Variants in CDH20 observed in about 807,000 individuals in gnomAD.
CDH20 encodes the protein cadherin-20.
A neutral mutation model predicts 74.2 loss-of-function variants in CDH20; 29 were observed. The observed-to-expected ratio is 0.39, with a 90% CI of 0.29 to 0.53. The LOEUF (loss-of-function observed/expected upper bound fraction) is 0.53. Among genes scored for constraint, CDH20 ranks in the 20% least tolerant of loss-of-function variants. The pLI is 0.69. For missense variants in CDH20, 988 were observed against 1,048.3 expected, an observed-to-expected ratio of 0.94 and a Z score of 0.79; for synonymous variants, 469 against 405.4, an observed-to-expected ratio of 1.16 and a Z score of -1.88.
intron 1 of CDH20, among the ~76,000 whole-genome samples, chr18:61,453,492 G>A (rs1170687104): frequency 1.3e-5 from 2 of 152,088 alleles, no homozygotes; most frequent in Non-Finnish European, 2.9e-5. Context: ...TGTTGACCAG[G>A]CTGGTCTCAA....
chr18:61,555,541 G>A lies in CDH20; in HGVS notation c.*846G>A. 7.1e-6 allele frequency: 7 copies of A among 985,406 alleles called. No homozygotes were observed. The highest frequency in any genetic ancestry group is 8.4e-6 in the Non-Finnish European group (7 of 829,908). 61.0% of individuals were successfully genotyped at this position (985,406 alleles called of 1,614,324 possible). A position where few individuals can be genotyped will look rare whatever the true frequency, so the allele number is the denominator to read the frequency against. On this transcript the variant is annotated 3_prime_UTR_variant, in exon 12 of 12. Coordinates refer to ENST00000262717, the MANE Select transcript of CDH20 (RefSeq NM_031891.4). ...CAAATGAAAGCCAAATAAAAAAGAAGTATCTGACAAAAGCATGGGTTAGAG... is the reference window on the plus strand; with the variant it reads ...CAAATGAAAGCCAAATAAAAAAGAAATATCTGACAAAAGCATGGGTTAGAG...
intron 1 of CDH20, among the ~76,000 whole-genome samples, chr18:61,363,488 A>T (rs1434468576): frequency 6.6e-6 from 1 of 152,248 alleles, no homozygotes; most frequent in African/African-American, 2.4e-5. Flanking sequence ...TAGATGAATA[A>T]GAGACGTCAA....
At chr18:61,531,048 CCAATTTCCT>C (rs571887522) in intron 7 of CDH20, among the ~76,000 whole-genome samples, 1,900 of 151,942 alleles carry the variant, frequency 0.013, 12 homozygotes, top group South Asian at 0.029. Context: ...CGAGTGTGTC[CCAATTTCCT>C]CGTTTTCCAT....
rs1910393973 is a variant in CDH20 at position 61,353,798 on chromosome 18, C to G, written c.-153+19971C>G. ...AAAAGTTAAAAAAAATCTTTCAGTTCCAGCCAGTCATGGTGGCTCATGCCT... is the reference window on the plus strand; with the variant it reads ...AAAAGTTAAAAAAAATCTTTCAGTTGCAGCCAGTCATGGTGGCTCATGCCT... On this transcript the variant is annotated intron_variant, in intron 1 of 11. Coordinates refer to ENST00000262717, the MANE Select transcript of CDH20 (RefSeq NM_031891.4). The surrounding 1 kb of genome is among the most constrained non-coding windows in gnomAD (Gnocchi z 4.6). Among the ~76,000 whole-genome samples, 1 of 152,074 alleles carries G rather than the reference C, an allele frequency of 6.6e-6. No individual in the cohort carries two copies.
At position 61,462,255 on chromosome 18, in the gene CDH20, A is replaced by G. The variant is rs1307440698; in HGVS notation, c.-152-28147A>G. 2.0e-5 allele frequency among the ~76,000 whole-genome samples: 3 copies of G among 152,278 alleles called. No homozygotes were observed. In the East Asian group the frequency reaches 5.8e-4, roughly 29 times the overall value. ...ATTAGCTTGCTTTAGTCATTTCACA[A>G]TGTATACATATATCAAAACATCACC... is the stretch of plus-strand genomic sequence containing the variant. On this transcript the variant is annotated intron_variant, in intron 1 of 11. Transcript: ENST00000262717.
chr18:61,409,216 C>T (rs984778552), intron 1 of CDH20, among the ~76,000 whole-genome samples: 1 of 152,188 alleles, frequency 6.6e-6, no homozygotes, highest in Non-Finnish European at 1.5e-5. Context: ...CCATAAACCA[C>T]GTAAGTCTTC....
intron 1 of CDH20, among the ~76,000 whole-genome samples, chr18:61,376,708 G>A (rs935157024): frequency 6.6e-6 from 1 of 152,158 alleles, no homozygotes; most frequent in African/African-American, 2.4e-5. Context: ...GTTTCTTTAT[G>A]AGTAAAATAA....
chr18:61,533,046 T>C, intron 7 of CDH20, among the ~76,000 whole-genome samples: 1 of 152,188 alleles, frequency 6.6e-6, no homozygotes, highest in East Asian at 1.9e-4. Flanking sequence ...CTTGGGAGAT[T>C]GAGGCAGGAA....
intron 7 of CDH20, among the ~76,000 whole-genome samples, chr18:61,532,516 C>T (rs960735211): frequency 7.2e-6 from 1 of 139,494 alleles, no homozygotes; most frequent in Non-Finnish European, 1.5e-5. Context: ...CAACTGTATA[C>T]ATGTGTGTAT....
intron 6 of CDH20, among the ~76,000 whole-genome samples, chr18:61,509,149 C>A (rs1228018723): frequency 6.6e-6 from 1 of 151,998 alleles, no homozygotes; most frequent in Non-Finnish European, 1.5e-5. Flanking sequence ...GATGGGTGCA[C>A]CAAAATCTCA....
chr18:61,477,248 G>A (rs1910421328), intron 1 of CDH20, among the ~76,000 whole-genome samples: 1 of 152,120 alleles, frequency 6.6e-6, no homozygotes, highest in African/African-American at 2.4e-5. Flanking sequence ...GTGGTACTAA[G>A]GAGAAGACAA....
At chr18:61,537,182 T>C (rs1461832558) in intron 8 of CDH20, among the ~76,000 whole-genome samples, 1 of 152,058 alleles carries the variant, frequency 6.6e-6, no homozygotes, top group Admixed American at 6.6e-5. Context: ...CCTTTTTTTT[T>C]CCATACTGGT....
intron 1 of CDH20, among the ~76,000 whole-genome samples, chr18:61,489,016 G>A (rs1910864813): frequency 6.6e-6 from 1 of 152,166 alleles, no homozygotes; most frequent in African/African-American, 2.4e-5. Flanking sequence ...AGGTGCACCT[G>A]GCTTGCTTTT....
At chr18:61,423,636 G>A (rs1201122792) in intron 1 of CDH20, among the ~76,000 whole-genome samples, 1 of 151,466 alleles carries the variant, frequency 6.6e-6, no homozygotes, top group Non-Finnish European at 1.5e-5. Flanking sequence ...AGCAGTAAAA[G>A]CCACTGTTTA....
chr18:61,529,465 GA>G (rs1396044248), intron 7 of CDH20, among the ~76,000 whole-genome samples: 1 of 152,034 alleles, frequency 6.6e-6, no homozygotes, highest in Non-Finnish European at 1.5e-5. Context: ...TGGCAAAAAC[GA>G]TTTTATTTGA....
At chr18:61,448,844 G>A (rs908218475) in intron 1 of CDH20, among the ~76,000 whole-genome samples, 17 of 152,134 alleles carry the variant, frequency 1.1e-4, no homozygotes, top group African/African-American at 3.9e-4. Flanking sequence ...GATGACCTCT[G>A]AAGTTCCTTT....
At chr18:61,383,441 C>T (rs895190082) in intron 1 of CDH20, among the ~76,000 whole-genome samples, 1 of 152,018 alleles carries the variant, frequency 6.6e-6, no homozygotes, top group Non-Finnish European at 1.5e-5. Context: ...ATTAGCCAGG[C>T]ATGGTGGCAT....
At chr18:61,466,051 C>A (rs1909950537) in intron 1 of CDH20, among the ~76,000 whole-genome samples, 1 of 148,618 alleles carries the variant, frequency 6.7e-6, no homozygotes, top group Non-Finnish European at 1.5e-5. Flanking sequence ...TAAGGCAAGA[C>A]CTTGTCACTT....
At chr18:61,467,077 G>A (rs115841189) in intron 1 of CDH20, among the ~76,000 whole-genome samples, 217 of 152,236 alleles carry the variant, frequency 1.4e-3, no homozygotes, top group African/African-American at 4.7e-3. Context: ...AGGATGGAAG[G>A]TCAGTTCTAA....
Sources: allele counts gnomAD v4.1 joint callset (sites outside exome capture counted in the v4.1 genomes callset), GRCh38; gene constraint gnomAD v4.1.1; non-coding constraint Gnocchi (gnomAD v3.1); transcripts MANE v1.5; gene names NCBI Gene and HGNC (gene_info 2026-07-23, HGNC 2026-07-21).